The following FRMD4A variants were observed in gnomAD, a reference collection of about 807,000 sequenced individuals.
The protein encoded by FRMD4A is FERM domain-containing protein 4A.
In FRMD4A, 29 loss-of-function variants were observed where a neutral mutation model predicts 129.1. The ratio of observed to expected loss-of-function variants is 0.22; its 90% CI spans 0.17 to 0.31. The LOEUF is 0.31. Among genes scored for constraint, FRMD4A ranks in the 10% least tolerant of loss-of-function variants. The pLI, the probability that FRMD4A is intolerant of heterozygous loss-of-function variation, is 1.00. For missense variants in FRMD4A, 1,272 were observed against 1,375.8 expected (o/e 0.92, Z 1.19); for synonymous variants, 634 against 571.6 (o/e 1.11, Z -1.56).
chr10:13,946,301 G>A (rs55788927), intron 2 of FRMD4A, among the ~76,000 whole-genome samples: 13,274 of 152,266 alleles, frequency 0.087, 693 homozygotes, highest in Non-Finnish European at 0.12. Context: ...CTAGAACCAG[G>A]AAGTTGAAAG....
chr10:13,672,873 G>A (rs1273506961), intron 16 of FRMD4A, among the ~76,000 whole-genome samples: 1 of 152,208 alleles, frequency 6.6e-6, no homozygotes, highest in African/African-American at 2.4e-5. Flanking sequence ...TAACTATAGG[G>A]AATGATCACA....
At chr10:13,971,657 T>A in intron 2 of FRMD4A, 1 of 1,302,550 alleles carries the variant, frequency 7.7e-7, no homozygotes, top group Non-Finnish European at 1.0e-6. Flanking sequence ...TGGTCCCACC[T>A]GATAGACGGC....
chr10:14,255,039 C>T (rs1844562014), intron 2 of FRMD4A, among the ~76,000 whole-genome samples: 1 of 152,182 alleles, frequency 6.6e-6, no homozygotes, highest in Non-Finnish European at 1.5e-5. Flanking sequence ...ACCAGCTTTC[C>T]ACTGAAATGC....
chr10:14,096,951 A>G (rs1836996065), intron 2 of FRMD4A: 1 of 152,080 alleles, frequency 6.6e-6, no homozygotes, highest in Admixed American at 6.6e-5. Flanking sequence ...CCTAGCCAAC[A>G]TGGTGAAACC....
chr10:14,269,472 G>C, intron 2 of FRMD4A, among the ~76,000 whole-genome samples: 1 of 152,138 alleles, frequency 6.6e-6, no homozygotes, highest in African/African-American at 2.4e-5. Context: ...GCCTTTCCCA[G>C]CTTCTAGAGG....
intron 2 of FRMD4A, among the ~76,000 whole-genome samples, chr10:14,241,625 C>T (rs1390275346): frequency 7.2e-6 from 1 of 139,184 alleles, no homozygotes; most frequent in East Asian, 2.1e-4. Context: ...TACCGAATTC[C>T]ACAGTGATTC....
intron 2 of FRMD4A, among the ~76,000 whole-genome samples, chr10:14,122,381 G>A (rs1838576821): frequency 1.3e-5 from 2 of 151,988 alleles, no homozygotes; most frequent in South Asian, 4.2e-4. Context: ...CATACTCATG[G>A]GGTGTGTATT....
At chr10:13,707,494 C>G in intron 12 of FRMD4A, 6 of 1,009,688 alleles carry the variant, frequency 5.9e-6, no homozygotes, top group Non-Finnish European at 5.9e-6. Context: ...GGGAAGGCGG[C>G]GGGTGAGGGG....
intron 2 of FRMD4A, among the ~76,000 whole-genome samples, chr10:13,862,796 C>G (rs1354241408): frequency 6.6e-6 from 1 of 152,196 alleles, no homozygotes; most frequent in African/African-American, 2.4e-5. Context: ...ATCATCAGTT[C>G]AGAAAACTTC....
At chr10:14,193,200 A>G (rs1842369380) in intron 2 of FRMD4A, among the ~76,000 whole-genome samples, 1 of 152,196 alleles carries the variant, frequency 6.6e-6, no homozygotes, top group African/African-American at 2.4e-5. Flanking sequence ...AAACCAATGA[A>G]CAGTACTTTA....
intron 2 of FRMD4A, among the ~76,000 whole-genome samples, chr10:14,169,566 A>C (rs1841368275): frequency 6.6e-6 from 1 of 152,024 alleles, no homozygotes; most frequent in South Asian, 2.1e-4. Context: ...ACCCTTTACC[A>C]AAAAAACTGG....
chr10:14,255,636 C>T (rs1374396298), intron 2 of FRMD4A, among the ~76,000 whole-genome samples: 1 of 152,080 alleles, frequency 6.6e-6, no homozygotes, highest in African/African-American at 2.4e-5. Flanking sequence ...CCTCGAACTG[C>T]AGCTGTGAAA....
Position 14,152,609 on chromosome 10 carries a change from G to A in FRMD4A, c.45+177449C>T, listed in dbSNP as rs12771842. 3.1e-3 allele frequency among the ~76,000 whole-genome samples: 474 copies of A among 152,262 alleles called. 3 individuals carry two copies. Among genetic ancestry groups the A allele is most frequent in the Admixed American group, 9.0e-3 (138 of 15,304 alleles). Reference sequence around the variant, plus strand: ...TTAAGAATAGAGAGAAGCCGGGCGCGGTGGCTCGCTTGAGGCCGGGAGTTC... The same window carrying A: ...TTAAGAATAGAGAGAAGCCGGGCGCAGTGGCTCGCTTGAGGCCGGGAGTTC... On this transcript the variant is annotated intron_variant, in intron 2 of 24. Transcript: ENST00000357447.
At chr10:14,054,303 C>T (rs1834402971) in intron 2 of FRMD4A, among the ~76,000 whole-genome samples, 1 of 152,168 alleles carries the variant, frequency 6.6e-6, no homozygotes, top group South Asian at 2.1e-4. Flanking sequence ...TCTGTGGCTG[C>T]TGACCCTGGA....
At chr10:14,096,710 A>C (rs1032098273) in intron 2 of FRMD4A, among the ~76,000 whole-genome samples, 6 of 152,224 alleles carry the variant, frequency 3.9e-5, no homozygotes, top group Admixed American at 3.9e-4. Context: ...TCTGCTCTGC[A>C]GGAGTTGATG....
chr10:13,975,135 CTG>C (rs998789687), intron 2 of FRMD4A, among the ~76,000 whole-genome samples: 16 of 149,180 alleles, frequency 1.1e-4, no homozygotes, highest in African/African-American at 4.0e-4. Context: ...ATGTATGTAC[CTG>C]TGTGTGTGTG....
chr10:14,107,365 G>C (rs1256074771), intron 2 of FRMD4A, among the ~76,000 whole-genome samples: 2 of 152,136 alleles, frequency 1.3e-5, no homozygotes, highest in East Asian at 3.8e-4. Context: ...AGTTGAAATT[G>C]TAATAAAATA....
intron 2 of FRMD4A, 37 bp downstream of exon 2, chr10:14,330,021 A>T (rs1307270616): frequency 6.5e-7 from 1 of 1,549,262 alleles, no homozygotes; most frequent in East Asian, 2.4e-5. Flanking sequence ...GCTGGAGTGG[A>T]CGCTGCCCGG....
rs529878196 is a variant in FRMD4A at position 14,093,294 on chromosome 10, T to A, written c.46-234382A>T. Among the ~76,000 whole-genome samples, 34 of 152,344 alleles carry A rather than the reference T, an allele frequency of 2.2e-4. No homozygotes were observed. In the South Asian group the frequency reaches 4.2e-3, roughly 19 times the overall value. On this transcript the variant is annotated intron_variant, in intron 2 of 24. Coordinates refer to ENST00000357447, the MANE Select transcript of FRMD4A (RefSeq NM_018027.5). ...CACATAAATAAACTAATTGGAAGTG[T>A]GTGCACTAAGATTTTAGTGTCTTTT...
Sources: allele counts gnomAD v4.1 joint callset (sites outside exome capture counted in the v4.1 genomes callset), GRCh38; gene constraint gnomAD v4.1.1; transcripts MANE v1.5; gene names NCBI Gene and HGNC (gene_info 2026-07-23, HGNC 2026-07-21).